Variants in EBF1 observed in about 807,000 individuals in gnomAD.
The protein encoded by EBF1 is EBF transcription factor 1.
EBF1 carries 10 observed loss-of-function variants against 68.4 expected under a neutral mutation model. The ratio of observed to expected loss-of-function variants is 0.15; its 90% CI spans 0.09 to 0.25. The LOEUF (loss-of-function observed/expected upper bound fraction) is 0.25, where lower values mean the gene tolerates loss of function less well. EBF1 is among the 10% of genes least tolerant of loss of function. The probability of loss-of-function intolerance (pLI) is 1.00; values close to 1 mark genes in which losing one functional copy is unlikely to be tolerated. For missense variants in EBF1, 509 were observed against 794.4 expected, an observed-to-expected ratio of 0.64 and a Z score of 4.32; for synonymous variants, 298 against 299.8, an observed-to-expected ratio of 0.99 and a Z score of 0.06.
intron 10 of EBF1, among the ~76,000 whole-genome samples, chr5:158,740,260 G>T (rs1766043007): frequency 6.6e-6 from 1 of 152,170 alleles, no homozygotes; most frequent in Non-Finnish European, 1.5e-5. Context: ...CAGGCTCCAA[G>T]GCGAAGAAAT....
At chr5:158,958,050 C>A (rs1194395415) in intron 6 of EBF1, among the ~76,000 whole-genome samples, 1 of 152,170 alleles carries the variant, frequency 6.6e-6, no homozygotes, top group African/African-American at 2.4e-5. Context: ...ATCCTTCAAG[C>A]CCAGTCAGCT....
At chr5:158,704,180 G>C (rs1265940182) in intron 15 of EBF1, among the ~76,000 whole-genome samples, 1 of 152,176 alleles carries the variant, frequency 6.6e-6, no homozygotes, top group African/African-American at 2.4e-5. Context: ...CCTTAAGGGT[G>C]GTTGGGAGCC....
intron 6 of EBF1, among the ~76,000 whole-genome samples, chr5:158,934,252 CTTCA>C (rs1478774249): frequency 6.6e-6 from 1 of 151,936 alleles, no homozygotes; most frequent in Non-Finnish European, 1.5e-5. Context: ...TAGTTCCTTC[CTTCA>C]TTCATTCATT....
chr5:158,854,521 A>C (rs1358139598), intron 6 of EBF1, among the ~76,000 whole-genome samples: 2 of 152,248 alleles, frequency 1.3e-5, no homozygotes, highest in East Asian at 3.8e-4. Context: ...GGCTGTCCAC[A>C]GACAGTGAAT....
chr5:158,729,774 T>A (rs1185490479), intron 11 of EBF1, among the ~76,000 whole-genome samples: 1 of 152,218 alleles, frequency 6.6e-6, no homozygotes, highest in Non-Finnish European at 1.5e-5. Context: ...GAAGGCATCA[T>A]CTCTGAAAAC....
intron 15 of EBF1, 78 bp from the exon 16 acceptor site, chr5:158,699,220 A>C (rs2127455280): frequency 1.4e-6 from 2 of 1,451,424 alleles, no homozygotes; most frequent in South Asian, 2.5e-5. Flanking sequence ...AGACTAAAAA[A>C]AAAAAAACAC....
chr5:158,890,107 T>C (rs1800879833), intron 6 of EBF1, among the ~76,000 whole-genome samples: 1 of 152,156 alleles, frequency 6.6e-6, no homozygotes, highest in African/African-American at 2.4e-5. Flanking sequence ...AATATCCTCC[T>C]GTCTAATCCC....
intron 10 of EBF1, among the ~76,000 whole-genome samples, chr5:158,763,199 G>T (rs564678741): frequency 2.0e-5 from 3 of 152,290 alleles, no homozygotes; most frequent in African/African-American, 7.2e-5. Context: ...GACATTTTGT[G>T]GCCAAGAGGG....
chr5:158,767,649 T>A (rs1489631213), intron 10 of EBF1, among the ~76,000 whole-genome samples: 3 of 151,886 alleles, frequency 2.0e-5, no homozygotes, highest in African/African-American at 4.8e-5. Context: ...TGCTTTACAT[T>A]TAGTAATTGT....
At chr5:158,720,836 G>A (rs1456374481) in intron 11 of EBF1, among the ~76,000 whole-genome samples, 2 of 152,136 alleles carry the variant, frequency 1.3e-5, no homozygotes, top group Admixed American at 1.3e-4. Context: ...GTTATTTGCA[G>A]GGAGGCATAA....
chr5:158,786,899 T>C (rs967607476), intron 9 of EBF1, among the ~76,000 whole-genome samples: 9 of 152,160 alleles, frequency 5.9e-5, no homozygotes, highest in Non-Finnish European at 1.2e-4. Flanking sequence ...ACCAAAAGAC[T>C]TGTAGAGTCT....
intron 9 of EBF1, among the ~76,000 whole-genome samples, chr5:158,795,408 T>C (rs567681089): frequency 6.6e-6 from 1 of 152,046 alleles, no homozygotes; most frequent in African/African-American, 2.4e-5. Context: ...GAAAGAAGGG[T>C]GAGATGATCT....
intron 6 of EBF1, among the ~76,000 whole-genome samples, chr5:158,960,310 T>A (rs1223807412): frequency 3.3e-5 from 5 of 152,212 alleles, no homozygotes; most frequent in East Asian, 1.9e-4. Context: ...CAGAAAAAAA[T>A]TGCTGTATCT....
chr5:159,041,240 C>A (rs1052217623), intron 6 of EBF1, among the ~76,000 whole-genome samples: 2 of 152,194 alleles, frequency 1.3e-5, no homozygotes, highest in African/African-American at 4.8e-5. Flanking sequence ...GAAAACATAG[C>A]AAACACTGCA....
chr5:158,879,564 A>G lies in EBF1; in HGVS notation c.555-39454T>C, dbSNP rs371467506. Reference sequence around the variant, plus strand: ...ATGTTGAAAAGTTGTAGGCATTGATAGACATTTGGGATGGTTCCAAGTCTT... The same window carrying G: ...ATGTTGAAAAGTTGTAGGCATTGATGGACATTTGGGATGGTTCCAAGTCTT... On this transcript the variant is annotated intron_variant, in intron 6 of 15. Transcript: ENST00000313708. Among the ~76,000 whole-genome samples, 309 of 152,324 alleles carry G rather than the reference A, an allele frequency of 2.0e-3. 2 individuals carry two copies. Among genetic ancestry groups the G allele is most frequent in the African/African-American group, 7.2e-3 (301 of 41,580 alleles).
Position 158,763,988 on chromosome 5 carries a change from T to G in EBF1, c.1036+13425A>C, listed in dbSNP as rs1405702616. ...GCAACTGTTCTCTTGGATGCTCTTT[T>G]GATAAGATCCACCATTAATCAGGCA... is the stretch of plus-strand genomic sequence containing the variant. On this transcript the variant is annotated intron_variant, in intron 10 of 15. Transcript: ENST00000313708. 3.3e-5 allele frequency among the ~76,000 whole-genome samples: 5 copies of G among 152,198 alleles called. No individual in the cohort carries two copies. In the East Asian group the frequency reaches 9.6e-4, roughly 29 times the overall value.
At chr5:158,886,082 T>C (rs370305452) in intron 6 of EBF1, among the ~76,000 whole-genome samples, 1 of 152,192 alleles carries the variant, frequency 6.6e-6, no homozygotes, top group African/African-American at 2.4e-5. Context: ...TTTGCCCAAC[T>C]CTTCTGTCCT....
At chr5:159,076,863 G>A (rs539594377) in intron 5 of EBF1, among the ~76,000 whole-genome samples, 24 of 152,220 alleles carry the variant, frequency 1.6e-4, no homozygotes, top group African/African-American at 5.5e-4. Flanking sequence ...TACATATATG[G>A]ATGTGTGTGT....
At chr5:158,983,151 G>C (rs1758242134) in intron 6 of EBF1, 1 of 152,140 alleles carries the variant, frequency 6.6e-6, no homozygotes, top group Non-Finnish European at 1.5e-5. Context: ...CCAGAAGGTG[G>C]TAAAATAGTA....
Sources: gnomAD v4.1 joint callset for allele counts (sites outside exome capture counted in the v4.1 genomes callset) on GRCh38, gnomAD v4.1.1 for gene constraint, MANE v1.5 for transcripts, NCBI Gene and HGNC (gene_info 2026-07-23, HGNC 2026-07-21) for gene names.